The following RGSL1 variants were observed in gnomAD, a reference collection of about 807,000 sequenced individuals.
The protein encoded by RGSL1 is regulator of G protein signaling like 1, also known as regulator of G protein signaling protein-like.
A neutral mutation model predicts 124.7 loss-of-function variants in RGSL1; 97 were observed. That is an observed-to-expected ratio of 0.78 (90% CI 0.66 to 0.92). The LOEUF is 0.92. Ranked by LOEUF, RGSL1 falls within the 40% of genes least tolerant of loss-of-function variation. The probability of loss-of-function intolerance (pLI) is 0.00; values close to 1 mark genes in which losing one functional copy is unlikely to be tolerated. For missense variants in RGSL1, 1,233 were observed against 1,288.4 expected, an observed-to-expected ratio of 0.96 and a Z score of 0.66; for synonymous variants, 424 against 438.1, an observed-to-expected ratio of 0.97 and a Z score of 0.40.
intron 6 of RGSL1, among the ~76,000 whole-genome samples, chr1:182,477,053 G>C (rs4271175): frequency 6.6e-6 from 1 of 152,116 alleles, no homozygotes; most frequent in Non-Finnish European, 1.5e-5. Flanking sequence ...GAGGTCCCCA[G>C]CTTTTGTTCA....
chr1:182,532,831 T>C (rs1208825606), intron 14 of RGSL1, 40 bp downstream of exon 14: 1 of 1,533,548 alleles, frequency 6.5e-7, no homozygotes, highest in Admixed American at 2.0e-5. Flanking sequence ...CCTGTTGATA[T>C]TTTAGCCATG....
rs776182131 is a variant in RGSL1, at chr1:182,460,057, C to T, written c.225C>T (p.Phe75=). Residue 75 remains phenylalanine, a synonymous_variant, in exon 4 of 22, where the codon TTC becomes TTT. Transcript: ENST00000294854. ...LTWLEKCRLP[F]FCKTNLCFHY... is the part of the protein sequence containing the mutation. ...GGTTGGAAAAATGCCGATTACCTTT[C>T]TTCTGTAAAACAAACTTGTGTTTCC... 6.4e-7 allele frequency: 1 copy of T among 1,551,672 alleles called. No individual in the cohort carries two copies. The highest frequency in any genetic ancestry group is 1.2e-5 in the South Asian group (1 of 84,060).
At chr1:182,509,387 G>A (rs1463573165) in intron 9 of RGSL1, among the ~76,000 whole-genome samples, 11 of 27,206 alleles carry the variant, frequency 4.0e-4, no homozygotes, top group South Asian at 1.3e-3. Context: ...CAGTAGGGGC[G>A]GCCGGGCAGA....
chr1:182,498,014 C>A (rs1284150928), intron 9 of RGSL1, among the ~76,000 whole-genome samples: 4 of 152,064 alleles, frequency 2.6e-5, no homozygotes, highest in Non-Finnish European at 5.9e-5. Flanking sequence ...TCGATCTTCC[C>A]TTTGATCATT....
intron 11 of RGSL1, among the ~76,000 whole-genome samples, chr1:182,528,260 G>A (rs867768614): frequency 3.9e-5 from 6 of 152,038 alleles, no homozygotes; most frequent in Non-Finnish European, 4.4e-5. Context: ...GGTCCTGCCC[G>A]TGACACATGG....
intron 9 of RGSL1, among the ~76,000 whole-genome samples, chr1:182,518,415 C>A (rs1658062271): frequency 6.6e-6 from 1 of 152,128 alleles, no homozygotes; most frequent in Non-Finnish European, 1.5e-5. Flanking sequence ...GCCTATGGGA[C>A]CTGTGGGACA....
intron 9 of RGSL1, among the ~76,000 whole-genome samples, chr1:182,506,550 T>A (rs508095): frequency 0.84 from 127,498 of 152,142 alleles, 53,727 homozygotes; most frequent in Non-Finnish European, 0.87. Context: ...AGTCATTACC[T>A]TTTATCCCAT....
At chr1:182,496,499 A>T (rs1655924309) in intron 9 of RGSL1, among the ~76,000 whole-genome samples, 1 of 152,184 alleles carries the variant, frequency 6.6e-6, no homozygotes, top group Non-Finnish European at 1.5e-5. Context: ...TTTTTGCTGC[A>T]GATAACATGG....
intron 21 of RGSL1, among the ~76,000 whole-genome samples, chr1:182,558,992 A>ACG (rs1192528764): frequency 2.0e-5 from 3 of 152,218 alleles, no homozygotes; most frequent in African/African-American, 7.2e-5. Context: ...AGAATGTATG[A>ACG]ACGCACAATC....
At chr1:182,484,539 G>A (rs1462605121) in intron 6 of RGSL1, among the ~76,000 whole-genome samples, 1 of 152,176 alleles carries the variant, frequency 6.6e-6, no homozygotes, top group East Asian at 1.9e-4. Flanking sequence ...AATTTCCCAG[G>A]AAGGCGTGTG....
At chr1:182,507,779 T>G (rs1656934800) in intron 9 of RGSL1, among the ~76,000 whole-genome samples, 1 of 152,124 alleles carries the variant, frequency 6.6e-6, no homozygotes, top group South Asian at 2.1e-4. Context: ...CATGGCTCAC[T>G]GCAGCCTTGA....
Position 182,526,813 on chromosome 1 carries a change from A to G in RGSL1, c.1932-766A>G, listed in dbSNP as rs116708615. The stretch of plus-strand genomic sequence containing the variant: ...ACATGTGTGATTTTTAAAACTCTCA[A>G]TAAAATTAGAATAGAAGGGAACTAT... On this transcript the variant is annotated intron_variant, in intron 10 of 21. Transcript: ENST00000294854. Among the ~76,000 whole-genome samples the G allele has an allele frequency of 6.5e-3, 990 of 152,324 alleles. 9 individuals carry two copies. Among genetic ancestry groups the G allele is most frequent in the African/African-American group, 0.023 (960 of 41,566 alleles).
chr1:182,503,070 G>A (rs1290878129), intron 9 of RGSL1, among the ~76,000 whole-genome samples: 1 of 152,148 alleles, frequency 6.6e-6, no homozygotes, highest in Non-Finnish European at 1.5e-5. Flanking sequence ...ATGTAAATTA[G>A]TACAACCACT....
At chr1:182,548,147 A>G (rs1419013927) in intron 15 of RGSL1, among the ~76,000 whole-genome samples, 170 bp from the exon 16 acceptor site, 2 of 152,198 alleles carry the variant, frequency 1.3e-5, no homozygotes, top group Non-Finnish European at 2.9e-5. Flanking sequence ...ACCTGTGATA[A>G]GTGCTCAGTA....
chr1:182,541,604 T>G (rs1014867397), intron 15 of RGSL1, among the ~76,000 whole-genome samples: 6 of 152,198 alleles, frequency 3.9e-5, no homozygotes, highest in African/African-American at 1.4e-4. Flanking sequence ...GTATTAGGAT[T>G]GCTGGATGAC....
At chr1:182,539,274 CT>C (rs3028795) in intron 14 of RGSL1, among the ~76,000 whole-genome samples, 1 of 152,038 alleles carries the variant, frequency 6.6e-6, no homozygotes, top group African/African-American at 2.4e-5. Flanking sequence ...GTTATCTAGA[CT>C]TTTTTTCCCT....
rs1195857366 is a variant in RGSL1 at position 182,463,657 on chromosome 1, T to C, written c.301+3524T>C. ...ACTTGTTAATGCAAGTTTCAACATA[T>C]CAAGATGTAACAACTATAAACATCT... On this transcript the variant is annotated intron_variant, in intron 4 of 21. Transcript: ENST00000294854. 4.6e-5 allele frequency among the ~76,000 whole-genome samples: 7 copies of C among 152,254 alleles called. No homozygotes were observed. The East Asian group carries it at 1.4e-3, about 29-fold the overall frequency.
chr1:182,457,981 T>C (rs1006712918), intron 2 of RGSL1, among the ~76,000 whole-genome samples: 1 of 152,234 alleles, frequency 6.6e-6, no homozygotes, highest in Non-Finnish European at 1.5e-5. Flanking sequence ...GAAAAGTGAA[T>C]ACTGAGTACA....
At chr1:182,449,807 C>T (rs555455332), upstream of RGSL1, among the ~76,000 whole-genome samples, 1 of 152,006 alleles carries the variant, frequency 6.6e-6, no homozygotes, top group Non-Finnish European at 1.5e-5. Flanking sequence ...CAAATGTAAC[C>T]GTTTACAAGA....
Sources: gnomAD v4.1 joint callset for allele counts (sites outside exome capture counted in the v4.1 genomes callset) on GRCh38, gnomAD v4.1.1 for gene constraint, MANE v1.5 for transcripts, NCBI Gene and HGNC (gene_info 2026-07-23, HGNC 2026-07-21) for gene names.